The following RBM19 variants were observed in gnomAD, a reference collection of about 807,000 sequenced individuals.
The protein encoded by RBM19 is probable RNA-binding protein 19.
In RBM19, 94 loss-of-function variants were observed where a neutral mutation model predicts 116.8. The observed-to-expected ratio is 0.80, with a 90% CI of 0.68 to 0.95. The LOEUF (loss-of-function observed/expected upper bound fraction) is 0.95. Among genes scored for constraint, RBM19 ranks in the 40% least tolerant of loss-of-function variants. The pLI is 0.00. For synonymous variants in RBM19, 475 were observed against 494.1 expected, an observed-to-expected ratio of 0.96 and a Z score of 0.51; for missense variants, 1,161 against 1,220.7, an observed-to-expected ratio of 0.95 and a Z score of 0.73.
intron 1 of RBM19, among the ~76,000 whole-genome samples, chr12:113,963,947 T>G: frequency 6.6e-6 from 1 of 152,192 alleles, no homozygotes; most frequent in South Asian, 2.1e-4. Flanking sequence ...CATCTCCTAT[T>G]CCAGGAGGCC....
chr12:113,828,966 C>T (rs979503296), intron 23 of RBM19, among the ~76,000 whole-genome samples: 2 of 151,930 alleles, frequency 1.3e-5, no homozygotes, highest in Non-Finnish European at 2.9e-5. Flanking sequence ...AAGCCAATGT[C>T]CCTTTATTGA....
chr12:113,833,751 G>A (rs570028533), intron 23 of RBM19, among the ~76,000 whole-genome samples: 9 of 152,174 alleles, frequency 5.9e-5, no homozygotes, highest in South Asian at 2.1e-4. Flanking sequence ...TTTTCTTTTC[G>A]TTTTTAAAAA....
chr12:113,823,219 C>T lies in RBM19; in HGVS notation c.*5G>A. 3 of 1,608,390 alleles carry T rather than the reference C, an allele frequency of 1.9e-6. No individual in the cohort carries two copies. The highest frequency in any genetic ancestry group is 4.5e-5 in the East Asian group (2 of 44,878). On this transcript the variant is annotated 3_prime_UTR_variant, in exon 24 of 24. Coordinates refer to ENST00000261741, the MANE Select transcript of RBM19 (RefSeq NM_016196.4). The stretch of plus-strand genomic sequence containing the variant: ...CCCGGAGCCACACACCCTCTCGGTG[C>T]CAGCTCACAGCTGAAGGGTCTGCTC...
At chr12:113,897,778 C>A (rs1219369301) in intron 21 of RBM19, among the ~76,000 whole-genome samples, 1 of 152,246 alleles carries the variant, frequency 6.6e-6, no homozygotes, top group Non-Finnish European at 1.5e-5. Context: ...AATCACTACG[C>A]TACCAGCTGA....
chr12:113,952,600 GAAGT>G lies in RBM19; in HGVS notation c.922-14_922-11del. On this transcript the variant is annotated splice_polypyrimidine_tract_variant and intron_variant, in intron 7 of 23. Coordinates refer to ENST00000261741, the MANE Select transcript of RBM19 (RefSeq NM_016196.4). The stretch of plus-strand genomic sequence containing the variant: ...ATTCCATAACATTTTTCTGTGAGAA[GAAGT>G]TTTTTTCCCCTTACCAACCACATAA... 6.2e-7 allele frequency: 1 copy of G among 1,612,778 alleles called. No homozygotes were observed. The highest frequency in any genetic ancestry group is 8.5e-7 in the Non-Finnish European group (1 of 1,178,896).
At chr12:113,948,718 T>C in intron 10 of RBM19, 115 bp downstream of exon 10, 3 of 1,055,424 alleles carry the variant, frequency 2.8e-6, no homozygotes, top group Non-Finnish European at 4.1e-6. Flanking sequence ...ATGAGAAAAC[T>C]GAGGCAAGAG....
chr12:113,895,824 A>G (rs1377727868), intron 21 of RBM19, among the ~76,000 whole-genome samples: 2 of 150,218 alleles, frequency 1.3e-5, no homozygotes, highest in African/African-American at 2.4e-5. Flanking sequence ...TATATACTAT[A>G]TATCTATTGG....
intron 20 of RBM19, among the ~76,000 whole-genome samples, chr12:113,916,885 C>CA (rs1417110072): frequency 6.6e-6 from 1 of 152,216 alleles, no homozygotes; most frequent in African/African-American, 2.4e-5. Context: ...ATTCCTGACC[C>CA]ATGAAACTAT....
In RBM19 at chr12:113,965,812, A is replaced by G. The variant is rs1191540641; in HGVS notation, c.36+380T>C. 1.3e-5 allele frequency among the ~76,000 whole-genome samples: 2 copies of G among 152,174 alleles called. 1 individual carries two copies. Among genetic ancestry groups the G allele is most frequent in the Admixed American group, 1.3e-4 (2 of 15,278 alleles). On this transcript the variant is annotated intron_variant, in intron 1 of 23. Coordinates refer to ENST00000261741, the MANE Select transcript of RBM19 (RefSeq NM_016196.4). ...ATTAATATTCCCCATGTCTTCCCCA[A>G]CAGTTTCCAGACTGGGAGAGGAATA... is the stretch of plus-strand genomic sequence containing the variant.
At chr12:113,882,624 G>T (rs186885364) in intron 21 of RBM19, among the ~76,000 whole-genome samples, 9 of 152,262 alleles carry the variant, frequency 5.9e-5, no homozygotes, top group Non-Finnish European at 1.0e-4. Flanking sequence ...GGAGGCACGG[G>T]GGGAGGGAGA....
At chr12:113,821,257 T>G (rs1298176336), downstream of RBM19, among the ~76,000 whole-genome samples, 1 of 152,070 alleles carries the variant, frequency 6.6e-6, no homozygotes, top group African/African-American at 2.4e-5. Flanking sequence ...CTGGGCCAGT[T>G]AAGTCAGTGC....
Position 113,823,158 on chromosome 12 carries a change from T to G in RBM19, c.*66A>C. 1 of 1,461,302 alleles carries G rather than the reference T, an allele frequency of 6.8e-7. No homozygotes were observed. Among genetic ancestry groups the G allele is most frequent in the South Asian group, 1.2e-5 (1 of 86,070 alleles). The allele number at this position is 1,461,302 out of a possible 1,614,324, so 90.5% of individuals were successfully genotyped here. A position where few individuals can be genotyped will look rare whatever the true frequency, so the allele number is the denominator to read the frequency against. Reference sequence around the variant, plus strand: ...GCCCCCCAGCCCACATGGTGGTGAGTGCAGAAGCTGGAGCGGCTGTCCCGG... The same window carrying G: ...GCCCCCCAGCCCACATGGTGGTGAGGGCAGAAGCTGGAGCGGCTGTCCCGG... On this transcript the variant is annotated 3_prime_UTR_variant, in exon 24 of 24. Coordinates refer to ENST00000261741, the MANE Select transcript of RBM19 (RefSeq NM_016196.4).
intron 22 of RBM19, among the ~76,000 whole-genome samples, chr12:113,857,376 A>AG (rs770089634): frequency 1.3e-5 from 2 of 152,214 alleles, no homozygotes; most frequent in African/African-American, 4.8e-5. Flanking sequence ...TAACCCTGGG[A>AG]GGGGGGCGCA....
chr12:113,935,061 A>G (rs921054169), intron 16 of RBM19, among the ~76,000 whole-genome samples: 1 of 152,198 alleles, frequency 6.6e-6, no homozygotes, highest in African/African-American at 2.4e-5. Flanking sequence ...CAAGTAACAA[A>G]TAAACAGAAT....
downstream of RBM19, among the ~76,000 whole-genome samples, chr12:113,821,871 C>T (rs546253655): frequency 4.7e-4 from 71 of 152,294 alleles, no homozygotes; most frequent in African/African-American, 1.7e-3. Context: ...CATGCTTGGT[C>T]GTGCAGGCTG....
At chr12:113,947,211 G>A (rs1593634128) in intron 11 of RBM19, 123 bp downstream of exon 11, 1 of 1,266,204 alleles carries the variant, frequency 7.9e-7, no homozygotes, top group East Asian at 2.4e-5. Flanking sequence ...GCATGCCATT[G>A]CACATTTTCT....
intron 23 of RBM19, among the ~76,000 whole-genome samples, chr12:113,829,783 C>T (rs1250655567): frequency 1.3e-5 from 2 of 152,214 alleles, no homozygotes; most frequent in African/African-American, 4.8e-5. Flanking sequence ...TAGCCCAGGG[C>T]CCGGCCCGTT....
intron 16 of RBM19, among the ~76,000 whole-genome samples, chr12:113,930,477 C>T (rs977193464): frequency 6.6e-6 from 1 of 152,218 alleles, no homozygotes. Context: ...AGATCCCTTC[C>T]CTGGCAGATC....
At chr12:113,870,080 G>A (rs1879109459) in intron 21 of RBM19, among the ~76,000 whole-genome samples, 1 of 152,206 alleles carries the variant, frequency 6.6e-6, no homozygotes, top group Admixed American at 6.5e-5. Context: ...GAAGGCTGAG[G>A]GTGGAAACCA....
Sources: allele counts gnomAD v4.1 joint callset (sites outside exome capture counted in the v4.1 genomes callset), GRCh38; gene constraint gnomAD v4.1.1; transcripts MANE v1.5; gene names NCBI Gene and HGNC (gene_info 2026-07-23, HGNC 2026-07-21).